Variants in PROX1 observed in about 807,000 individuals in gnomAD.
PROX1 encodes the protein prospero homeobox protein 1.
PROX1 carries 7 observed loss-of-function variants against 58.8 expected under a neutral mutation model. That is an observed-to-expected ratio of 0.12 (90% CI 0.07 to 0.22). The LOEUF is 0.22. Among genes scored for constraint, PROX1 ranks in the 10% least tolerant of loss-of-function variants. The pLI, the probability that PROX1 is intolerant of heterozygous loss-of-function variation, is 1.00. For missense variants in PROX1, 675 were observed against 927.8 expected (o/e 0.73, Z 3.54); for synonymous variants, 350 against 358.3 (o/e 0.98, Z 0.26).
At chr1:214,017,220 A>C (rs1007400366) in intron 4 of PROX1, among the ~76,000 whole-genome samples, 1 of 151,986 alleles carries the variant, frequency 6.6e-6, no homozygotes, top group Non-Finnish European at 1.5e-5. Context: ...TTTCCTTCAG[A>C]AAATAGTTCA....
intron 2 of PROX1, among the ~76,000 whole-genome samples, 188 bp downstream of exon 2, chr1:213,998,448 T>C (rs1663369733): frequency 6.6e-6 from 1 of 152,200 alleles, no homozygotes; most frequent in Non-Finnish European, 1.5e-5. Flanking sequence ...AGCTTAAAAC[T>C]AAGCCAACAT....
At chr1:214,035,349 A>C (rs1664794450) in intron 4 of PROX1, among the ~76,000 whole-genome samples, 1 of 152,236 alleles carries the variant, frequency 6.6e-6, no homozygotes, top group South Asian at 2.1e-4. Flanking sequence ...TAAAGTGAGG[A>C]ATCCCAAAAG....
intron 4 of PROX1, among the ~76,000 whole-genome samples, chr1:214,033,468 C>T (rs1451554658): frequency 6.6e-6 from 1 of 152,146 alleles, no homozygotes; most frequent in Non-Finnish European, 1.5e-5. Context: ...CGTGATGGCA[C>T]TTGCCTGTAA....
intron 1 of PROX1, among the ~76,000 whole-genome samples, chr1:213,993,170 T>A (rs982623589): frequency 6.6e-6 from 1 of 152,154 alleles, no homozygotes; most frequent in African/African-American, 2.4e-5. Flanking sequence ...TATATAGACT[T>A]TCACATTAAT....
intron 3 of PROX1, among the ~76,000 whole-genome samples, chr1:214,007,020 G>A (rs532893965): frequency 7.2e-5 from 11 of 152,306 alleles, no homozygotes; most frequent in Admixed American, 2.6e-4. Context: ...AACAGTAGAC[G>A]TCAATATTAG....
Position 214,037,644 on chromosome 1 carries a change from G to A in PROX1, c.*1810G>A, listed in dbSNP as rs1189906202. ...CAGGGCCTCGCAGTGTAGACAGAGG[G>A]TGCAGCCACACGGGCGGGGGCACCA... On this transcript the variant is annotated 3_prime_UTR_variant, in exon 5 of 5. Coordinates refer to ENST00000366958, the MANE Select transcript of PROX1 (RefSeq NM_001270616.2). The A allele has an allele frequency of 2.0e-5, 3 of 151,990 alleles. No homozygotes were observed. Among genetic ancestry groups the A allele is most frequent in the African/African-American group, 4.8e-5 (2 of 41,338 alleles). 9.4% of individuals were successfully genotyped at this position (151,990 alleles called of 1,614,324 possible).
intron 4 of PROX1, among the ~76,000 whole-genome samples, chr1:214,024,082 G>A (rs1227917632): frequency 6.6e-6 from 1 of 152,136 alleles, no homozygotes; most frequent in Non-Finnish European, 1.5e-5. Flanking sequence ...CCAGTCCTAG[G>A]TATTGACAGC....
At position 214,005,064 on chromosome 1, in the gene PROX1, C is replaced by G. The variant is rs114305625; in HGVS notation, c.1726-101C>G. 6.8e-6 allele frequency: 6 copies of G among 884,570 alleles called. No individual in the cohort carries two copies. In the Admixed American group the frequency reaches 6.8e-5, roughly 10 times the overall value. 54.8% of individuals were successfully genotyped at this position (884,570 alleles called of 1,614,324 possible). On this transcript the variant is annotated intron_variant, in intron 2 of 4. Coordinates refer to ENST00000366958, the MANE Select transcript of PROX1 (RefSeq NM_001270616.2). The stretch of plus-strand genomic sequence containing the variant: ...ATACCTTCCAGCACTCCCACCGCAG[C>G]TTGATGGACCCCCAGACTCTATGGA...
At chr1:214,012,715 T>A (rs1663955773) in intron 4 of PROX1, among the ~76,000 whole-genome samples, 1 of 152,216 alleles carries the variant, frequency 6.6e-6, no homozygotes, top group Non-Finnish European at 1.5e-5. Context: ...ATTTCTTGTA[T>A]TATCTTGGCT....
At chr1:214,031,099 G>A (rs1429122584) in intron 4 of PROX1, among the ~76,000 whole-genome samples, 3 of 151,764 alleles carry the variant, frequency 2.0e-5, no homozygotes, top group Admixed American at 6.6e-5. Flanking sequence ...GCACACACAC[G>A]CGCAACCCAG....
chr1:214,008,147 G>C (rs1055446740), intron 3 of PROX1, among the ~76,000 whole-genome samples: 23 of 152,178 alleles, frequency 1.5e-4, no homozygotes, highest in African/African-American at 5.3e-4. Flanking sequence ...CACCTCCTGG[G>C]TTCAAGAGAT....
At chr1:214,022,643 G>T (rs528722584) in intron 4 of PROX1, among the ~76,000 whole-genome samples, 1 of 152,204 alleles carries the variant, frequency 6.6e-6, no homozygotes. Flanking sequence ...TGGGGGTGGT[G>T]GAAGGAGCAC....
chr1:214,022,434 G>C (rs1229803035), intron 4 of PROX1, among the ~76,000 whole-genome samples: 1 of 152,156 alleles, frequency 6.6e-6, no homozygotes, highest in Non-Finnish European at 1.5e-5. Flanking sequence ...ACCATTTCCT[G>C]CTGACCCTAA....
At position 213,996,483 on chromosome 1, in the gene PROX1, T is replaced by C. The variant is rs1663266279; in HGVS notation, c.-53T>C. 2 of 1,545,454 alleles carry C rather than the reference T, an allele frequency of 1.3e-6. No individual in the cohort carries two copies. Among genetic ancestry groups the C allele is most frequent in the Non-Finnish European group, 1.7e-6 (2 of 1,145,806 alleles). On this transcript the variant is annotated 5_prime_UTR_variant, in exon 2 of 5. Coordinates refer to ENST00000366958, the MANE Select transcript of PROX1 (RefSeq NM_001270616.2). ...CTGTTGGCCAGGGTCCCGGGATTCTTGAGCTGTGCCCAGCTGACGAGCTTT... is the reference window on the plus strand; with the variant it reads ...CTGTTGGCCAGGGTCCCGGGATTCTCGAGCTGTGCCCAGCTGACGAGCTTT...
intron 3 of PROX1, among the ~76,000 whole-genome samples, chr1:214,008,408 AAACAAC>A (rs567205314): frequency 4.9e-5 from 7 of 143,788 alleles, no homozygotes; most frequent in African/African-American, 1.9e-4. Flanking sequence ...AACAAAAAAC[AAACAAC>A]AACAACAACA....
chr1:214,005,139 C>T (rs376955525), intron 2 of PROX1, 26 bp from the exon 3 acceptor site: 48 of 1,582,104 alleles, frequency 3.0e-5, no homozygotes, highest in Non-Finnish European at 4.0e-5. Flanking sequence ...TACAGAATTG[C>T]TTTTCCTTAA....
rs563659906 is a variant in PROX1, at chr1:213,988,426, T to TAG, written c.-96_-95dup. 0.12 allele frequency: 17,084 copies of TAG among 136,702 alleles called. 1,430 individuals carry two copies. Among genetic ancestry groups the TAG allele is most frequent in the African/African-American group, 0.25 (9,453 of 37,124 alleles). The allele number at this position is 136,702 out of a possible 1,614,324, so 8.5% of individuals were successfully genotyped here. Reference sequence around the variant, plus strand: ...GGGAAAAAAAAGAGAGAGAGAGAGATAGAGAGAGAGAGAGAGAGAGAGAGA... The same window carrying TAG: ...GGGAAAAAAAAGAGAGAGAGAGAGATAGAGAGAGAGAGAGAGAGAGAGAGAGA... On this transcript the variant is annotated 5_prime_UTR_variant, in exon 1 of 5. Coordinates refer to ENST00000366958, the MANE Select transcript of PROX1 (RefSeq NM_001270616.2).
chr1:214,035,655 G>C lies in PROX1; in HGVS notation c.2035G>C (p.Glu679Gln). Residue 679 changes from glutamate (E) to glutamine (Q), a missense_variant, in exon 5 of 5, where the codon GAG becomes CAG. Physicochemically the swap from Glu to Gln is conservative, Grantham distance 29 (BLOSUM62 2). This residue lies in a region of PROX1 where 50 missense variants were observed against 79.3 expected (regional missense o/e 0.63). Transcript: ENST00000366958. ...YNKANDFEVP[E>Q]RFLEVAQITL... ...TGTCTCCTTGTATCAGCAGGTTCCA[G>C]AGAGATTCCTGGAAGTTGCTCAGAT... 6.2e-7 allele frequency: 1 copy of C among 1,611,386 alleles called. No homozygotes were observed. Among genetic ancestry groups the C allele is most frequent in the Non-Finnish European group, 8.5e-7 (1 of 1,178,544 alleles).
intron 3 of PROX1, among the ~76,000 whole-genome samples, chr1:214,008,517 G>A (rs987709022): frequency 2.8e-4 from 43 of 152,342 alleles, no homozygotes; most frequent in African/African-American, 8.9e-4. Context: ...CACACTTGGA[G>A]GATAGAGCTA....
Sources: gnomAD v4.1 joint callset for allele counts (sites outside exome capture counted in the v4.1 genomes callset) on GRCh38, gnomAD v4.1.1 for gene constraint, gnomAD v4.1.1 regional missense constraint, MANE v1.5 for transcripts, NCBI Gene and HGNC (gene_info 2026-07-23, HGNC 2026-07-21) for gene names.